ANK3: variants seen among roughly 807,000 people sequenced by gnomAD.
The protein encoded by ANK3 is ankyrin 3, also known as ankyrin-3.
A neutral mutation model predicts 370.9 loss-of-function variants in ANK3; 57 were observed. That is an observed-to-expected ratio of 0.15 (90% CI 0.12 to 0.19). ANK3 has a LOEUF of 0.19. Ranked by LOEUF, ANK3 falls within the 10% of genes least tolerant of loss-of-function variation. The pLI is 1.00. For synonymous variants in ANK3, 1,929 were observed against 1,946.3 expected, an observed-to-expected ratio of 0.99 and a Z score of 0.23; for missense variants, 4,439 against 5,302.1, an observed-to-expected ratio of 0.84 and a Z score of 5.06.
intron 2 of ANK3, among the ~76,000 whole-genome samples, chr10:60,421,616 T>C (rs2063781099): frequency 6.6e-6 from 1 of 151,816 alleles, no homozygotes; most frequent in Admixed American, 6.6e-5. Context: ...GTGACTGACC[T>C]CCCTTGACTC....
intron 1 of ANK3, among the ~76,000 whole-genome samples, chr10:60,387,181 C>A (rs188660569): frequency 1.3e-5 from 2 of 151,806 alleles, no homozygotes; most frequent in East Asian, 3.9e-4. Context: ...AAATCCTATA[C>A]AATATTTCTG....
intron 27 of ANK3, chr10:60,108,139 GAA>G (rs571065436): frequency 2.9e-5 from 10 of 341,400 alleles, no homozygotes; most frequent in East Asian, 1.0e-4. Flanking sequence ...ATTGAAAATG[GAA>G]AAAAAAAAAT....
intron 7 of ANK3, among the ~76,000 whole-genome samples, chr10:60,256,717 G>A (rs375476201): frequency 5.3e-5 from 8 of 152,258 alleles, no homozygotes; most frequent in African/African-American, 1.4e-4. Context: ...ATGAGAATAC[G>A]TAGTACTTGG....
At chr10:60,607,403 C>T (rs956835050) in intron 2 of ANK3, among the ~76,000 whole-genome samples, 1 of 152,096 alleles carries the variant, frequency 6.6e-6, no homozygotes, top group Non-Finnish European at 1.5e-5. Flanking sequence ...CATACTGCCT[C>T]CCTTTCTAAT....
intron 1 of ANK3, among the ~76,000 whole-genome samples, chr10:60,358,697 C>T (rs1164814404): frequency 6.6e-6 from 1 of 152,188 alleles, no homozygotes; most frequent in Non-Finnish European, 1.5e-5. Context: ...ACAGACCCAT[C>T]AAGGTCAAAT....
intron 42 of ANK3, chr10:60,043,122 C>T (rs1404411409): frequency 9.8e-7 from 1 of 1,017,330 alleles, no homozygotes; most frequent in Non-Finnish European, 1.2e-6. Flanking sequence ...ATTCAGACTT[C>T]TTAGTTAAGT....
rs547936699 is a variant in ANK3 at position 60,216,384 on chromosome 10, T to C, written c.898-2874A>G. Among the ~76,000 whole-genome samples, 4 of 152,274 alleles carry C rather than the reference T, an allele frequency of 2.6e-5. No homozygotes were observed. In the East Asian group the frequency reaches 7.7e-4, roughly 29 times the overall value. On this transcript the variant is annotated intron_variant, in intron 8 of 43. Transcript: ENST00000280772. ...CTTCCAGCTTATGCCCATTCAATAATGATATTAGTTGTGGGTTTGTCATAA... is the reference window on the plus strand; with the variant it reads ...CTTCCAGCTTATGCCCATTCAATAACGATATTAGTTGTGGGTTTGTCATAA...
At chr10:60,630,636 T>C (rs151310496) in intron 1 of ANK3, among the ~76,000 whole-genome samples, 189 of 152,198 alleles carry the variant, frequency 1.2e-3, no homozygotes, top group African/African-American at 4.2e-3. Flanking sequence ...AATTGAACTT[T>C]CAGGATAAGG....
intron 28 of ANK3, among the ~76,000 whole-genome samples, chr10:60,091,078 T>C (rs2088233017): frequency 6.6e-6 from 1 of 152,250 alleles, no homozygotes; most frequent in Non-Finnish European, 1.5e-5. Flanking sequence ...CTAATTTTTG[T>C]ATTTTTAGTA....
At chr10:60,078,557 G>A (rs1162804948) in intron 36 of ANK3, among the ~76,000 whole-genome samples, 3 of 152,098 alleles carry the variant, frequency 2.0e-5, no homozygotes, top group Non-Finnish European at 4.4e-5. Flanking sequence ...TTTGAACCAC[G>A]TCTATGGTTT....
At chr10:60,054,531 A>G (rs994488149) in intron 42 of ANK3, among the ~76,000 whole-genome samples, 2 of 152,192 alleles carry the variant, frequency 1.3e-5, no homozygotes, top group Non-Finnish European at 2.9e-5. Flanking sequence ...AAAAAAAAAT[A>G]GATGATCTAG....
rs1014867860 is a variant in ANK3, at chr10:60,028,263, A to T, written c.*1583T>A. Reference sequence around the variant, plus strand: ...TAAGCTGGGAGCTTGCAGGGCACATATGAATGTTAGAGATTATCTCTTCAG... The same window carrying T: ...TAAGCTGGGAGCTTGCAGGGCACATTTGAATGTTAGAGATTATCTCTTCAG... On this transcript the variant is annotated 3_prime_UTR_variant, in exon 44 of 44. Transcript: ENST00000280772. The T allele has an allele frequency of 6.6e-6, 1 of 152,618 alleles. No individual in the cohort carries two copies. The highest frequency in any genetic ancestry group is 1.5e-5 in the Non-Finnish European group (1 of 68,046). The allele number at this position is 152,618 out of a possible 1,614,324, so 9.5% of individuals were successfully genotyped here.
chr10:60,400,585 T>C (rs2063333323), intron 2 of ANK3, among the ~76,000 whole-genome samples: 1 of 152,130 alleles, frequency 6.6e-6, no homozygotes, highest in African/African-American at 2.4e-5. Flanking sequence ...TACATTACAA[T>C]AAAAACTTTA....
At chr10:60,236,467 C>T (rs1394874006) in intron 7 of ANK3, among the ~76,000 whole-genome samples, 2 of 152,046 alleles carry the variant, frequency 1.3e-5, no homozygotes, top group Admixed American at 1.3e-4. Context: ...ACCTTTTTCC[C>T]CCCGTGTTCA....
chr10:60,351,391 T>C (rs978831784), intron 1 of ANK3, among the ~76,000 whole-genome samples: 1 of 152,196 alleles, frequency 6.6e-6, no homozygotes, highest in African/African-American at 2.4e-5. Context: ...AGATGCACGC[T>C]AATGGCAGTC....
intron 8 of ANK3, among the ~76,000 whole-genome samples, chr10:60,222,044 G>A (rs2097068685): frequency 6.6e-6 from 1 of 152,198 alleles, no homozygotes; most frequent in South Asian, 2.1e-4. Context: ...GCTACCTGAA[G>A]CACAACTCTT....
intron 43 of ANK3, among the ~76,000 whole-genome samples, chr10:60,034,058 A>G (rs528004788): frequency 1.0e-3 from 149 of 148,452 alleles, no homozygotes; most frequent in African/African-American, 3.7e-3. Flanking sequence ...TCAGTAGGTC[A>G]GTGTGTCTGA....
chr10:60,636,512 T>G (rs1391984840), intron 1 of ANK3, among the ~76,000 whole-genome samples: 1 of 152,242 alleles, frequency 6.6e-6, no homozygotes, highest in Non-Finnish European at 1.5e-5. Context: ...TATGTTTTAA[T>G]AAGGCAGACA....
chr10:60,518,785 A>C (rs2076283189), intron 2 of ANK3, among the ~76,000 whole-genome samples: 1 of 149,576 alleles, frequency 6.7e-6, no homozygotes, highest in East Asian at 2.2e-4. Flanking sequence ...CTTGAATACA[A>C]ATTTTTTTGA....
Sources: gnomAD v4.1 joint callset for allele counts (sites outside exome capture counted in the v4.1 genomes callset) on GRCh38, gnomAD v4.1.1 for gene constraint, MANE v1.5 for transcripts, NCBI Gene and HGNC (gene_info 2026-07-23, HGNC 2026-07-21) for gene names.